CNR1: variants seen among roughly 807,000 people sequenced by gnomAD.
CNR1 encodes the protein cannabinoid receptor 1 (brain).
CNR1 carries 10 observed loss-of-function variants against 23.0 expected under a neutral mutation model. The ratio of observed to expected loss-of-function variants is 0.43; its 90% CI spans 0.27 to 0.74. The LOEUF is 0.74. Ranked by LOEUF, CNR1 falls within the 30% of genes least tolerant of loss-of-function variation. CNR1 has a pLI of 0.19. For missense variants in CNR1, 422 were observed against 618.8 expected (o/e 0.68, Z 3.37); for synonymous variants, 271 against 255.2 (o/e 1.06, Z -0.59).
intron 1 of CNR1, among the ~76,000 whole-genome samples, chr6:88,157,474 T>C (rs2127765223): frequency 6.6e-6 from 1 of 152,288 alleles, no homozygotes; most frequent in Admixed American, 6.5e-5. Flanking sequence ...TTATGGAGAG[T>C]TAAAATGGGT....
At chr6:88,151,864 T>A (rs1777538522) in intron 1 of CNR1, among the ~76,000 whole-genome samples, 1 of 152,096 alleles carries the variant, frequency 6.6e-6, no homozygotes, top group Admixed American at 6.6e-5. Flanking sequence ...ATATATTCTA[T>A]CATTAAATTG....
Position 88,144,588 on chromosome 6 carries a change from G to A in CNR1, c.687C>T (p.Thr229=). 1 of 1,614,202 alleles carries A rather than the reference G, an allele frequency of 6.2e-7. No individual in the cohort carries two copies. The highest frequency in any genetic ancestry group is 1.3e-5 in the African/African-American group (1 of 75,066). ...AAAACGCCACCACGGCCTTGGGCCT[G>A]GTGACAATCCTCTTATAGGCCAGGG... ...HRPLAYKRIV[T]RPKAVVAFCL... is the part of the protein sequence containing the mutation. Residue 229 remains threonine (T), a synonymous_variant, in exon 2 of 2, where the codon ACC becomes ACT. Transcript: ENST00000369501. This position sits in a 1 kb window ranked among gnomAD's most constrained non-coding sequence, Gnocchi z 7.8.
chr6:88,139,879 G>C lies in CNR1; in HGVS notation c.*3977C>G, dbSNP rs80034852. The C allele has an allele frequency of 6.6e-6, 1 of 152,210 alleles. No individual in the cohort carries two copies. The highest frequency in any genetic ancestry group is 1.5e-5 in the Non-Finnish European group (1 of 67,994). The allele number at this position is 152,210 out of a possible 1,614,324, so 9.4% of individuals were successfully genotyped here. A position where few individuals can be genotyped will look rare whatever the true frequency, so the allele number is the denominator to read the frequency against. On this transcript the variant is annotated 3_prime_UTR_variant, in exon 2 of 2. Transcript: ENST00000369501. ...TTCAAAGGCATTTTATGTTCTTCAT[G>C]GTAATCTAGAATTTTTATTTGATTC...
chr6:88,159,050 G>T (rs1048829160), intron 1 of CNR1, among the ~76,000 whole-genome samples: 12 of 152,218 alleles, frequency 7.9e-5, no homozygotes, highest in Middle Eastern at 3.4e-3. Context: ...ATAATACACA[G>T]ATATATATTA....
intron 1 of CNR1, among the ~76,000 whole-genome samples, chr6:88,153,732 A>G (rs1470412825): frequency 6.6e-6 from 1 of 152,214 alleles, no homozygotes; most frequent in Non-Finnish European, 1.5e-5. Context: ...ATACTGTGCT[A>G]ATGTATTTCT....
At chr6:88,162,677 A>G (rs1181354641) in intron 1 of CNR1, among the ~76,000 whole-genome samples, 1 of 152,222 alleles carries the variant, frequency 6.6e-6, no homozygotes, top group Non-Finnish European at 1.5e-5. Flanking sequence ...TGGCAACACA[A>G]AGTATATAAA....
In CNR1 at chr6:88,144,978, C is replaced by T; in HGVS notation, c.297G>A (p.Gly99=). The T allele has an allele frequency of 6.2e-7, 1 of 1,614,156 alleles. No individual in the cohort carries two copies. Among genetic ancestry groups the T allele is most frequent in the Non-Finnish European group, 8.5e-7 (1 of 1,180,022 alleles). ...FKENEENIQC[G]ENFMDIECFM... The stretch of plus-strand genomic sequence containing the variant: ...AACACTCTATGTCCATGAAGTTCTC[C>T]CCACACTGGATGTTCTCCTCATTCT... Residue 99 remains glycine, a synonymous_variant, in exon 2 of 2, where the codon GGG becomes GGA. Transcript: ENST00000369501. The surrounding 1 kb of genome is among the most constrained non-coding windows in gnomAD (Gnocchi z 7.8).
rs1777123346 is a variant in CNR1, at chr6:88,145,347, G to A, written c.-63-10C>T. The A allele has an allele frequency of 8.0e-7, 1 of 1,248,716 alleles. No individual in the cohort carries two copies. Among genetic ancestry groups the A allele is most frequent in the Non-Finnish European group, 1.1e-6 (1 of 886,100 alleles). 77.4% of individuals were successfully genotyped at this position (1,248,716 alleles called of 1,614,324 possible). On this transcript the variant is annotated splice_polypyrimidine_tract_variant and intron_variant, in intron 1 of 1. Transcript: ENST00000369501. Reference sequence around the variant, plus strand: ...CCCACAGGGGGCAATCCTAAGAGGAGGGAAAACAAATAAGCCGAATGGTGA... The same window carrying A: ...CCCACAGGGGGCAATCCTAAGAGGAAGGAAAACAAATAAGCCGAATGGTGA...
intron 1 of CNR1, among the ~76,000 whole-genome samples, chr6:88,162,653 T>C (rs975944617): frequency 2.0e-5 from 3 of 152,200 alleles, no homozygotes; most frequent in African/African-American, 7.2e-5. Flanking sequence ...GAAGAAAACA[T>C]GAAGTTAAAA....
chr6:88,160,023 C>T (rs545729153), intron 1 of CNR1, among the ~76,000 whole-genome samples: 1 of 151,706 alleles, frequency 6.6e-6, no homozygotes, highest in Non-Finnish European at 1.5e-5. Context: ...GGTTAACTTG[C>T]TATATTAAAA....
chr6:88,154,504 C>G (rs1242587473), intron 1 of CNR1, among the ~76,000 whole-genome samples: 4 of 152,214 alleles, frequency 2.6e-5, no homozygotes, highest in Non-Finnish European at 5.9e-5. Context: ...TAGCTGTTTC[C>G]TCCAATTAAG....
At chr6:88,148,147 A>G (rs1777307684) in intron 1 of CNR1, among the ~76,000 whole-genome samples, 2 of 152,156 alleles carry the variant, frequency 1.3e-5, no homozygotes, top group South Asian at 4.1e-4. Flanking sequence ...TCCTCACCTC[A>G]GTGCTGTTGC....
chr6:88,145,617 C>T (rs963053459), intron 1 of CNR1, among the ~76,000 whole-genome samples: 6 of 152,186 alleles, frequency 3.9e-5, no homozygotes, highest in African/African-American at 1.2e-4. Context: ...CAGGAAGGAC[C>T]TCCAGGGCCA....
intron 1 of CNR1, among the ~76,000 whole-genome samples, chr6:88,159,913 T>C (rs937578938): frequency 3.3e-5 from 5 of 152,110 alleles, no homozygotes; most frequent in African/African-American, 1.2e-4. Flanking sequence ...ATAAATAAAT[T>C]TGATTAATTT....
At position 88,166,187 on chromosome 6, in the gene CNR1, C is replaced by A. The variant is rs891082938; in HGVS notation, c.-448G>T. 1 of 151,994 alleles carries A rather than the reference C, an allele frequency of 6.6e-6. No individual in the cohort carries two copies. Among genetic ancestry groups the A allele is most frequent in the South Asian group, 2.1e-4 (1 of 4,834 alleles). 9.4% of individuals were successfully genotyped at this position (151,994 alleles called of 1,614,324 possible). A position where few individuals can be genotyped will look rare whatever the true frequency, so the allele number is the denominator to read the frequency against. ...CGACCGGGACTGGCGCCCCGCTGCT[C>A]CGACCGCCGGCGAGCCTCGCCCCTT... On this transcript the variant is annotated 5_prime_UTR_variant, in exon 1 of 2. Coordinates refer to ENST00000369501, the MANE Select transcript of CNR1 (RefSeq NM_016083.6).
At chr6:88,167,022 C>T (rs1034292711), upstream of CNR1, among the ~76,000 whole-genome samples, 1 of 151,420 alleles carries the variant, frequency 6.6e-6, no homozygotes, top group Non-Finnish European at 1.5e-5. Context: ...CCCAGCTTCG[C>T]GCCAGGCGCC....
chr6:88,146,994 A>G (rs1013383127), intron 1 of CNR1, among the ~76,000 whole-genome samples: 1 of 152,154 alleles, frequency 6.6e-6, no homozygotes, highest in Non-Finnish European at 1.5e-5. Flanking sequence ...CAGCATCAAG[A>G]AAGAGTCCCT....
intron 1 of CNR1, among the ~76,000 whole-genome samples, chr6:88,161,866 T>TA (rs1778126851): frequency 6.6e-6 from 1 of 152,222 alleles, no homozygotes; most frequent in Non-Finnish European, 1.5e-5. Context: ...GGTAACGTTG[T>TA]AATGTGTTAT....
chr6:88,151,934 G>A (rs1777542544), intron 1 of CNR1, among the ~76,000 whole-genome samples: 1 of 152,082 alleles, frequency 6.6e-6, no homozygotes, highest in South Asian at 2.1e-4. Context: ...AGGAAATGGA[G>A]GCCATCAGAT....
Sources: gnomAD v4.1 joint callset for allele counts (sites outside exome capture counted in the v4.1 genomes callset) on GRCh38, gnomAD v4.1.1 for gene constraint, Gnocchi (gnomAD v3.1) non-coding constraint, MANE v1.5 for transcripts, NCBI Gene and HGNC (gene_info 2026-07-23, HGNC 2026-07-21) for gene names.